Variants in RBFOX1 observed in about 807,000 individuals in gnomAD.
RBFOX1 encodes the protein RNA binding protein fox-1 homolog 1.
RBFOX1 carries 8 observed loss-of-function variants against 57.7 expected under a neutral mutation model. That is an observed-to-expected ratio of 0.14 (90% CI 0.08 to 0.25). The LOEUF (loss-of-function observed/expected upper bound fraction) is 0.25. RBFOX1 is among the 10% of genes least tolerant of loss of function. The probability of loss-of-function intolerance (pLI) is 1.00; values close to 1 mark genes in which losing one functional copy is unlikely to be tolerated. For synonymous variants in RBFOX1, 326 were observed against 222.4 expected (o/e 1.47, Z -4.15); for missense variants, 611 against 548.5 (o/e 1.11, Z -1.14).
intron 3 of RBFOX1, among the ~76,000 whole-genome samples, chr16:6,659,684 G>C (rs541086837): frequency 2.0e-5 from 3 of 151,970 alleles, no homozygotes; most frequent in Non-Finnish European, 2.9e-5. Context: ...TTCAATATGG[G>C]GCAGGCTTTC....
At chr16:5,367,941 T>C (rs926050695) in intron 1 of RBFOX1, among the ~76,000 whole-genome samples, 1 of 152,142 alleles carries the variant, frequency 6.6e-6, no homozygotes, top group Non-Finnish European at 1.5e-5. Context: ...CACTTGACCT[T>C]GGGTTGTGAG....
chr16:6,929,909 GT>G (rs2076228542), intron 3 of RBFOX1, among the ~76,000 whole-genome samples: 1 of 152,132 alleles, frequency 6.6e-6, no homozygotes, highest in South Asian at 2.1e-4. Context: ...CAGAAAATGT[GT>G]GGAAGGAAAA....
At chr16:6,315,620 A>G (rs2081020761) in intron 1 of RBFOX1, among the ~76,000 whole-genome samples, 1 of 152,050 alleles carries the variant, frequency 6.6e-6, no homozygotes, top group African/African-American at 2.4e-5. Context: ...TGAGTGCATC[A>G]TTGCTGTTTG....
At chr16:6,285,897 A>G (rs1451852379) in intron 1 of RBFOX1, among the ~76,000 whole-genome samples, 1 of 152,170 alleles carries the variant, frequency 6.6e-6, no homozygotes, top group Non-Finnish European at 1.5e-5. Flanking sequence ...CGCAACAATA[A>G]ATCATCAGTC....
intron 5 of RBFOX1, among the ~76,000 whole-genome samples, chr16:7,549,728 C>T (rs544406086): frequency 3.9e-5 from 6 of 152,204 alleles, no homozygotes; most frequent in African/African-American, 1.4e-4. Flanking sequence ...CTTCTTCTGC[C>T]TGCCTTTATT....
intron 2 of RBFOX1, among the ~76,000 whole-genome samples, chr16:6,328,257 A>T (rs1567946558): frequency 6.6e-6 from 1 of 152,180 alleles, no homozygotes; most frequent in Non-Finnish European, 1.5e-5. Context: ...GAATGATGCA[A>T]GGAACTTTGG....
chr16:6,077,278 C>T (rs374136650), intron 1 of RBFOX1, among the ~76,000 whole-genome samples: 2 of 151,800 alleles, frequency 1.3e-5, no homozygotes, highest in East Asian at 3.9e-4. Context: ...GCAGCTTGGC[C>T]AGGTAGGAGC....
intron 4 of RBFOX1, among the ~76,000 whole-genome samples, chr16:7,305,070 G>A (rs2096144887): frequency 6.6e-6 from 1 of 151,584 alleles, no homozygotes; most frequent in Non-Finnish European, 1.5e-5. Flanking sequence ...ATGCTGTGAA[G>A]AAGGTGAGCT....
chr16:6,231,994 C>G (rs1326551747), intron 1 of RBFOX1, among the ~76,000 whole-genome samples: 1 of 152,054 alleles, frequency 6.6e-6, no homozygotes, highest in African/African-American at 2.4e-5. Flanking sequence ...TTTGTACTTC[C>G]CTCGTTTGCA....
chr16:6,338,113 A>C (rs945732891), intron 2 of RBFOX1, among the ~76,000 whole-genome samples: 1 of 152,320 alleles, frequency 6.6e-6, no homozygotes. Flanking sequence ...CTACTATCAG[A>C]TACTTTGGAT....
At chr16:6,980,445 C>G (rs988513043) in intron 3 of RBFOX1, among the ~76,000 whole-genome samples, 2 of 152,054 alleles carry the variant, frequency 1.3e-5, no homozygotes, top group East Asian at 1.9e-4. Context: ...TTTACAAAAG[C>G]AAAAAACTTG....
At chr16:6,377,111 A>G (rs979989636) in intron 2 of RBFOX1, among the ~76,000 whole-genome samples, 1 of 151,386 alleles carries the variant, frequency 6.6e-6, no homozygotes, top group South Asian at 2.1e-4. Context: ...CATCCCTACA[A>G]AAAAAAATTA....
chr16:7,098,690 C>T (rs914108490), intron 4 of RBFOX1, among the ~76,000 whole-genome samples: 1 of 151,990 alleles, frequency 6.6e-6, no homozygotes, highest in African/African-American at 2.4e-5. Flanking sequence ...TGGCTCATGC[C>T]TGTAATCCTG....
intron 2 of RBFOX1, among the ~76,000 whole-genome samples, chr16:6,323,378 C>A (rs2082024981): frequency 6.6e-6 from 1 of 152,154 alleles, no homozygotes; most frequent in African/African-American, 2.4e-5. Context: ...TGGGTGTGCA[C>A]AATCTGTCTT....
chr16:5,753,244 C>T (rs964487356), intron 3 of RBFOX1, among the ~76,000 whole-genome samples: 1 of 151,962 alleles, frequency 6.6e-6, no homozygotes, highest in Non-Finnish European at 1.5e-5. Context: ...GCTAAGTCCT[C>T]ATAATGCACT....
chr16:5,271,376 CAT>C (rs2063001944), intron 1 of RBFOX1, among the ~76,000 whole-genome samples: 1 of 152,190 alleles, frequency 6.6e-6, no homozygotes, highest in African/African-American at 2.4e-5. Context: ...CATACATACA[CAT>C]ACACATACAT....
At chr16:5,252,101 G>C (rs1009317427) in intron 1 of RBFOX1, among the ~76,000 whole-genome samples, 1 of 152,186 alleles carries the variant, frequency 6.6e-6, no homozygotes, top group Non-Finnish European at 1.5e-5. Flanking sequence ...CTTAGACCTG[G>C]ATGCCAGGTG....
At chr16:5,880,254 G>C (rs1344317754) in intron 4 of RBFOX1, among the ~76,000 whole-genome samples, 2 of 152,136 alleles carry the variant, frequency 1.3e-5, no homozygotes, top group African/African-American at 4.8e-5. Context: ...TTAGTAAGGG[G>C]TACAGTCAGC....
At chr16:7,088,744 T>C (rs1599141288) in intron 4 of RBFOX1, among the ~76,000 whole-genome samples, 3 of 152,204 alleles carry the variant, frequency 2.0e-5, no homozygotes, top group South Asian at 2.1e-4. Context: ...GTGAATTTCT[T>C]ATGCCAGTAA....
Sources: gnomAD v4.1 joint callset for allele counts (sites outside exome capture counted in the v4.1 genomes callset) on GRCh38, gnomAD v4.1.1 for gene constraint, MANE v1.5 for transcripts, NCBI Gene and HGNC (gene_info 2026-07-23, HGNC 2026-07-21) for gene names.